The following HEATR1 variants were observed in gnomAD, a reference collection of about 807,000 sequenced individuals.
The protein encoded by HEATR1 is HEAT repeat-containing protein 1.
In HEATR1, 77 loss-of-function variants were observed where a neutral mutation model predicts 248.2. That is an observed-to-expected ratio of 0.31 (90% CI 0.26 to 0.37). The LOEUF (loss-of-function observed/expected upper bound fraction) is 0.37, where lower values mean the gene tolerates loss of function less well. HEATR1 is among the 10% of genes least tolerant of loss of function. The probability of loss-of-function intolerance (pLI) is 1.00; values close to 1 mark genes in which losing one functional copy is unlikely to be tolerated. For synonymous variants in HEATR1, 897 were observed against 923.1 expected (o/e 0.97, Z 0.51); for missense variants, 2,420 against 2,504.9 (o/e 0.97, Z 0.72).
At chr1:236,602,641 T>C (rs1261419717) in intron 3 of HEATR1, among the ~76,000 whole-genome samples, 2 of 152,172 alleles carry the variant, frequency 1.3e-5, no homozygotes, top group Non-Finnish European at 2.9e-5. Flanking sequence ...CTAACGAGGT[T>C]AGGCTGGGCG....
intron 31 of HEATR1, among the ~76,000 whole-genome samples, chr1:236,564,886 C>CA (rs1173424982): frequency 2.6e-5 from 4 of 152,198 alleles, no homozygotes; most frequent in Non-Finnish European, 5.9e-5. Context: ...GTGTTTAAGA[C>CA]AAAAAACAAA....
At chr1:236,572,639 T>C (rs2853602) in intron 25 of HEATR1, 85 bp from the exon 26 acceptor site, 952,452 of 1,596,582 alleles carry the variant, frequency 0.6, 298,031 homozygotes, top group Non-Finnish European at 0.65. Context: ...TATAGCAAAT[T>C]GATGAGTATC....
In HEATR1 at chr1:236,566,123, G is replaced by T. The variant is rs1663261895; in HGVS notation, c.4309-78C>A. On this transcript the variant is annotated intron_variant, in intron 30 of 44. Coordinates refer to ENST00000366582, the MANE Select transcript of HEATR1 (RefSeq NM_018072.6). ...ATAATTTCAGGATAATGTGCGTTAG[G>T]ATTTCTAGCAGAACAGAGTATACTA... The T allele has an allele frequency of 2.8e-6, 4 of 1,404,290 alleles. No individual in the cohort carries two copies. In the Admixed American group the frequency reaches 7.9e-5, roughly 28 times the overall value. 87.0% of individuals were successfully genotyped at this position (1,404,290 alleles called of 1,614,324 possible).
Position 236,585,584 on chromosome 1 carries a change from G to C in HEATR1, c.2049+236C>G, listed in dbSNP as rs146972473. Among the ~76,000 whole-genome samples, 607 of 151,900 alleles carry C rather than the reference G, an allele frequency of 4.0e-3. 2 individuals carry two copies. Among genetic ancestry groups the C allele is most frequent in the Non-Finnish European group, 6.0e-3 (409 of 67,900 alleles). Reference sequence around the variant, plus strand: ...GAATGAGAAAAAATGGTGGTAAAAAGGATATATTATTCTTATGGGTGTGAT... The same window carrying C: ...GAATGAGAAAAAATGGTGGTAAAAACGATATATTATTCTTATGGGTGTGAT... On this transcript the variant is annotated intron_variant, in intron 16 of 44. Coordinates refer to ENST00000366582, the MANE Select transcript of HEATR1 (RefSeq NM_018072.6).
At chr1:236,555,214 C>G in intron 41 of HEATR1, 82 bp downstream of exon 41, 1 of 1,433,918 alleles carries the variant, frequency 7.0e-7, no homozygotes, top group Non-Finnish European at 9.5e-7. Flanking sequence ...ATCTTGCTTC[C>G]AAGCACTAGG....
Position 236,599,607 on chromosome 1 carries a change from T to C in HEATR1, c.377A>G (p.Tyr126Cys), listed in dbSNP as rs749283266. 25 of 1,611,952 alleles carry C rather than the reference T, an allele frequency of 1.6e-5. No individual in the cohort carries two copies. The highest frequency in any genetic ancestry group is 1.3e-4 in the East Asian group (6 of 44,828). ...ACAAGCAATGAGGCTATCTTGATTA[T>C]AGAGATGTATATGGAACCTGGGGAA... ...WLIHRFHIHL[Y>C]NQDSLIACVL... is the part of the protein sequence containing the mutation. Residue 126 changes from tyrosine to cysteine, a missense_variant, in exon 4 of 45, where the codon TAT becomes TGT. By Grantham distance (194) the Tyr-to-Cys change is radical (BLOSUM62 -2). Coordinates refer to ENST00000366582, the MANE Select transcript of HEATR1 (RefSeq NM_018072.6).
chr1:236,591,084 C>G (rs1030780398), intron 11 of HEATR1, 130 bp from the exon 12 acceptor site: 1 of 419,526 alleles, frequency 2.4e-6, no homozygotes, highest in Non-Finnish European at 4.2e-6. Flanking sequence ...CTACAGAAAA[C>G]AAACAAAAAA....
At chr1:236,598,566 G>A (rs2102798708) in intron 4 of HEATR1, among the ~76,000 whole-genome samples, 1 of 152,272 alleles carries the variant, frequency 6.6e-6, no homozygotes, top group African/African-American at 2.4e-5. Context: ...GATGCTATGG[G>A]CAGAGTGAAT....
chr1:236,603,102 A>G, intron 3 of HEATR1, 58 bp downstream of exon 3: 1 of 1,350,252 alleles, frequency 7.4e-7, no homozygotes, highest in South Asian at 1.2e-5. Context: ...CAACTACTTA[A>G]TTTTTTACAA....
rs777699259 is a variant in HEATR1 at position 236,588,016 on chromosome 1, C to G, written c.1558G>C (p.Glu520Gln). 4 of 1,612,248 alleles carry G rather than the reference C, an allele frequency of 2.5e-6. No homozygotes were observed. Among genetic ancestry groups the G allele is most frequent in the Non-Finnish European group, 3.4e-6 (4 of 1,179,076 alleles). ...KEGVDESFIK[E>Q]AVLARLGDDN... ...TCACCTAATCGGGCTAAAACAGCTT[C>G]TTTTATGAAAGATTCATCAACACCC... The change falls in exon 13 of 45, where the codon GAA (glutamate) becomes CAA (glutamine). Residue 520 changes from glutamate to glutamine, a missense_variant. Coordinates refer to ENST00000366582, the MANE Select transcript of HEATR1 (RefSeq NM_018072.6).
chr1:236,554,317 G>A (rs1439479561), intron 42 of HEATR1, among the ~76,000 whole-genome samples: 1 of 152,126 alleles, frequency 6.6e-6, no homozygotes, highest in African/African-American at 2.4e-5. Flanking sequence ...GCTTGAAACC[G>A]GGAGGTGGAG....
Position 236,582,747 on chromosome 1 carries a change from G to A in HEATR1, c.2551C>T (p.Leu851Phe). 2 of 1,614,124 alleles carry A rather than the reference G, an allele frequency of 1.2e-6. No homozygotes were observed. Among genetic ancestry groups the A allele is most frequent in the Non-Finnish European group, 1.7e-6 (2 of 1,179,998 alleles). Residue 851 changes from leucine (L) to phenylalanine (F), a missense_variant, in exon 19 of 45, where the codon CTT (leucine) becomes TTT (phenylalanine). Physicochemically the swap from Leu to Phe is conservative, Grantham distance 22 (BLOSUM62 0). Transcript: ENST00000366582. Reference protein sequence around the residue: ...DAVHFRVLMKLFIKVHLEDVF... With the variant: ...DAVHFRVLMKFFIKVHLEDVF... ...GAGGAGGCTTGTACCTTTATGAAAAGTTTCATCAGAACTCTGAAATGAACA... is the reference window on the plus strand; with the variant it reads ...GAGGAGGCTTGTACCTTTATGAAAAATTTCATCAGAACTCTGAAATGAACA...
chr1:236,560,624 G>C (rs1276052965), intron 33 of HEATR1, among the ~76,000 whole-genome samples: 3 of 152,238 alleles, frequency 2.0e-5, no homozygotes, highest in Admixed American at 6.5e-5. Context: ...CCAGTGGAAG[G>C]GGCAGGACAG....
At chr1:236,573,583 A>G (rs1487631241) in intron 24 of HEATR1, among the ~76,000 whole-genome samples, 3 of 152,166 alleles carry the variant, frequency 2.0e-5, no homozygotes, top group Non-Finnish European at 4.4e-5. Context: ...CCACTTTTCA[A>G]AAGATGCACA....
chr1:236,559,667 A>C, intron 34 of HEATR1, 47 bp downstream of exon 34: 1 of 1,549,648 alleles, frequency 6.5e-7, no homozygotes, highest in Non-Finnish European at 8.8e-7. Flanking sequence ...ACAATAATTT[A>C]AAAAACAGCA....
At chr1:236,564,194 T>C (rs1011439086) in intron 32 of HEATR1, among the ~76,000 whole-genome samples, 6 of 152,258 alleles carry the variant, frequency 3.9e-5, no homozygotes, top group Non-Finnish European at 8.8e-5. Flanking sequence ...TGTGCTACCA[T>C]GAAGAATGTT....
chr1:236,575,693 C>T (rs981341125), intron 22 of HEATR1, among the ~76,000 whole-genome samples: 2 of 152,204 alleles, frequency 1.3e-5, no homozygotes, highest in African/African-American at 2.4e-5. Context: ...ATTTCTGTAA[C>T]ACTGGGATGA....
chr1:236,561,081 G>A (rs925416100), intron 33 of HEATR1, 144 bp downstream of exon 33: 39 of 647,696 alleles, frequency 6.0e-5, no homozygotes, highest in African/African-American at 5.3e-4. Context: ...TAGGGAGAAC[G>A]CTAAGGCAAA....
chr1:236,578,213 A>C (rs1206444971), intron 20 of HEATR1, among the ~76,000 whole-genome samples: 1 of 152,204 alleles, frequency 6.6e-6, no homozygotes, highest in Non-Finnish European at 1.5e-5. Context: ...CTATCTAAGG[A>C]ATGAGGTTGG....
Sources: allele counts gnomAD v4.1 joint callset (sites outside exome capture counted in the v4.1 genomes callset), GRCh38; gene constraint gnomAD v4.1.1; transcripts MANE v1.5; gene names NCBI Gene and HGNC (gene_info 2026-07-23, HGNC 2026-07-21).